Variants in IFT56 observed in about 807,000 individuals in gnomAD.
The protein encoded by IFT56 is intraflagellar transport protein 56.
chr7:139,142,928 C>G, the IFT56 span, among the ~76,000 whole-genome samples: 1 of 152,052 alleles, frequency 6.6e-6, no homozygotes, highest in Admixed American at 6.6e-5. Context: ...TAAATATACA[C>G]TTTTCAGAAT....
At chr7:139,179,534 G>T in the IFT56 span, 1 of 1,567,110 alleles carries the variant, frequency 6.4e-7, no homozygotes, top group Admixed American at 1.7e-5. Context: ...TATTGCAAAA[G>T]CATCCTCATG....
chr7:139,139,907 A>G, the IFT56 span: 1 of 1,611,906 alleles, frequency 6.2e-7, no homozygotes, highest in Non-Finnish European at 8.5e-7. Flanking sequence ...AAAATGCTAC[A>G]AAAGAGGAAA....
At chr7:139,171,677 C>G in the IFT56 span, among the ~76,000 whole-genome samples, 3 of 152,114 alleles carry the variant, frequency 2.0e-5, no homozygotes, top group African/African-American at 7.2e-5. Context: ...TTACCCTATA[C>G]AAAAATCAAA....
At chr7:139,154,315 G>C in the IFT56 span, among the ~76,000 whole-genome samples, 8 of 148,094 alleles carry the variant, frequency 5.4e-5, no homozygotes, top group African/African-American at 2.0e-4. Context: ...TTTTTTTGAA[G>C]CACGAAAGTT....
At chr7:139,179,105 C>T in the IFT56 span, among the ~76,000 whole-genome samples, 538 of 152,266 alleles carry the variant, frequency 3.5e-3, 4 homozygotes, top group African/African-American at 0.012. Context: ...CTGGGCTGGG[C>T]GAGCTGGCTC....
the IFT56 span, chr7:139,168,303 G>A: frequency 2.2e-6 from 3 of 1,387,432 alleles, no homozygotes; most frequent in Non-Finnish European, 2.0e-6. Flanking sequence ...TGATCTCATA[G>A]CTCCACATTC....
the IFT56 span, among the ~76,000 whole-genome samples, chr7:139,154,633 A>G: frequency 1.3e-5 from 2 of 152,156 alleles, no homozygotes. Context: ...TCTTGTTGAA[A>G]ATCAGTTTAT....
chr7:139,153,889 A>G, the IFT56 span, among the ~76,000 whole-genome samples: 1 of 152,158 alleles, frequency 6.6e-6, no homozygotes, highest in Admixed American at 6.5e-5. Context: ...TGGTAACTGT[A>G]TATGTAATTG....
At chr7:139,176,937 G>T in the IFT56 span, among the ~76,000 whole-genome samples, 1 of 152,040 alleles carries the variant, frequency 6.6e-6, no homozygotes, top group East Asian at 1.9e-4. Flanking sequence ...ACTTTGGGAG[G>T]CTGAGGTGGG....
the IFT56 span, among the ~76,000 whole-genome samples, chr7:139,135,298 ACAAAAC>A: frequency 5.4e-5 from 6 of 110,560 alleles, no homozygotes; most frequent in East Asian, 7.2e-4. Context: ...AAAAAAAAAA[ACAAAAC>A]AAAACTTATT....
chr7:139,145,175 T>G, the IFT56 span, among the ~76,000 whole-genome samples: 1 of 152,262 alleles, frequency 6.6e-6, no homozygotes, highest in Admixed American at 6.5e-5. Context: ...AGGGTAGCTT[T>G]CCAGGGGTCC....
chr7:139,178,412 A>G, the IFT56 span: 2 of 1,392,942 alleles, frequency 1.4e-6, no homozygotes, highest in South Asian at 1.2e-5. Context: ...CATTAGTGGC[A>G]TCAACTAATC....
chr7:139,133,964 G>A, the IFT56 span: 1 of 1,404,414 alleles, frequency 7.1e-7, no homozygotes, highest in Admixed American at 1.7e-5. Flanking sequence ...TGTCCGCAGA[G>A]AGTAATCCCC....
the IFT56 span, chr7:139,134,704 A>T: frequency 1.2e-6 from 2 of 1,614,132 alleles, no homozygotes; most frequent in African/African-American, 1.3e-5. Context: ...CAGCACACTG[A>T]CAAAAGAAAG....
chr7:139,161,039 C>G, the IFT56 span: 65 of 1,609,062 alleles, frequency 4.0e-5, no homozygotes, highest in Non-Finnish European at 5.1e-5. Flanking sequence ...AACGATTTCC[C>G]GTCTTGACTG....
the IFT56 span, among the ~76,000 whole-genome samples, chr7:139,136,257 G>A: frequency 4.6e-5 from 7 of 152,136 alleles, no homozygotes; most frequent in South Asian, 2.1e-4. Context: ...CTCTGGTGTT[G>A]AGCGTGTTTT....
At chr7:139,137,782 T>C in the IFT56 span, 1 of 1,375,310 alleles carries the variant, frequency 7.3e-7, no homozygotes, top group South Asian at 1.2e-5. Flanking sequence ...CGTAGCATTT[T>C]TTTTTAAACA....
the IFT56 span, chr7:139,179,660 T>A: frequency 4.4e-6 from 7 of 1,589,028 alleles, no homozygotes; most frequent in South Asian, 5.6e-5. Flanking sequence ...CTTCTTTTTT[T>A]AAATATTACA....
chr7:139,146,383 T>C, the IFT56 span, among the ~76,000 whole-genome samples: 4 of 152,242 alleles, frequency 2.6e-5, no homozygotes, highest in South Asian at 6.2e-4. Flanking sequence ...TGAAAAAATG[T>C]AGAGCAGGAA....
Sources: allele counts gnomAD v4.1 joint callset (sites outside exome capture counted in the v4.1 genomes callset), GRCh38; gene constraint gnomAD v4.1.1; transcripts MANE v1.5; gene names NCBI Gene and HGNC (gene_info 2026-07-23, HGNC 2026-07-21).